Variants in STAG1 observed in about 807,000 individuals in gnomAD.
The protein encoded by STAG1 is cohesin subunit SA-1.
A neutral mutation model predicts 170.9 loss-of-function variants in STAG1; 26 were observed. That is an observed-to-expected ratio of 0.15 (90% confidence interval 0.11 to 0.21). The LOEUF (loss-of-function observed/expected upper bound fraction) is 0.21, where lower values mean the gene tolerates loss of function less well. STAG1 is among the 10% of genes least tolerant of loss of function. The pLI is 1.00. For synonymous variants in STAG1, 514 were observed against 497.7 expected, an observed-to-expected ratio of 1.03 and a Z score of -0.44; for missense variants, 964 against 1,509.5, an observed-to-expected ratio of 0.64 and a Z score of 5.99.
intron 23 of STAG1, among the ~76,000 whole-genome samples, chr3:136,376,328 T>TA (rs1937609471): frequency 1.3e-5 from 2 of 152,276 alleles, no homozygotes; most frequent in Admixed American, 1.3e-4. Flanking sequence ...CAGTCTATTT[T>TA]AAAAAATAGT....
intron 3 of STAG1, among the ~76,000 whole-genome samples, chr3:136,614,633 T>C (rs1248919011): frequency 1.3e-5 from 2 of 152,220 alleles, no homozygotes; most frequent in South Asian, 2.1e-4. Context: ...TACTATTCAA[T>C]TTAAATGTGT....
At chr3:136,690,056 C>CAAAAAAAAAAAAAAACA (rs1942668998) in intron 1 of STAG1, among the ~76,000 whole-genome samples, 1 of 56,404 alleles carries the variant, frequency 1.8e-5, no homozygotes, top group Non-Finnish European at 3.2e-5. Context: ...AAAAGCAAAC[C>CAAAAAAAAAAAAAAACA]AAAAAAAAAA....
intron 1 of STAG1, among the ~76,000 whole-genome samples, chr3:136,686,902 C>G (rs563439157): frequency 5.3e-5 from 8 of 152,264 alleles, no homozygotes; most frequent in African/African-American, 1.9e-4. Flanking sequence ...TGTTGAGATG[C>G]AATGGCTTAA....
intron 4 of STAG1, among the ~76,000 whole-genome samples, chr3:136,576,072 T>G (rs1426622724): frequency 2.6e-5 from 4 of 152,202 alleles, no homozygotes; most frequent in Admixed American, 2.6e-4. Context: ...TACTATTTAC[T>G]ATTTTAAAAA....
At position 136,336,985 on chromosome 3, in the gene STAG1, A is replaced by G. The variant is rs1193522833; in HGVS notation, c.*1269T>C. 1 of 152,292 alleles carries G rather than the reference A, an allele frequency of 6.6e-6. No individual in the cohort carries two copies. Among genetic ancestry groups the G allele is most frequent in the Admixed American group, 6.6e-5 (1 of 15,264 alleles). 9.4% of individuals were successfully genotyped at this position (152,292 alleles called of 1,614,324 possible). On this transcript the variant is annotated 3_prime_UTR_variant, in exon 34 of 34. Coordinates refer to ENST00000383202, the MANE Select transcript of STAG1 (RefSeq NM_005862.3). ...AAGAGAGAGACTAAGTGGGGTTTTT[A>G]AAACAATAGCAGCAAGTCATAAAAG...
At chr3:136,714,951 A>ATATATAT in intron 1 of STAG1, among the ~76,000 whole-genome samples, 1 of 80,294 alleles carries the variant, frequency 1.2e-5, no homozygotes, top group East Asian at 2.2e-4. Context: ...ATATATATAT[A>ATATATAT]TATATATATA....
At chr3:136,578,629 A>C (rs1408113918) in intron 4 of STAG1, among the ~76,000 whole-genome samples, 8 of 152,238 alleles carry the variant, frequency 5.3e-5, no homozygotes, top group African/African-American at 1.9e-4. Flanking sequence ...CATTGTTGAA[A>C]GGAAATATCC....
rs1004810253 is a variant in STAG1 at position 136,733,846 on chromosome 3, G to A, written c.-84+18349C>T. On this transcript the variant is annotated intron_variant, in intron 1 of 33. Transcript: ENST00000383202. ...TTGCAGGCCCGGCACAGTGGCCCAC[G>A]CCTGTAATCCCAGCGCTTCAGGAGG... is the stretch of plus-strand genomic sequence containing the variant. Among the ~76,000 whole-genome samples the A allele has an allele frequency of 9.2e-5, 14 of 152,250 alleles. No individual in the cohort carries two copies. The South Asian group carries it at 2.7e-3, about 29-fold the overall frequency.
intron 4 of STAG1, among the ~76,000 whole-genome samples, chr3:136,589,862 C>T (rs1007772029): frequency 6.6e-6 from 1 of 151,756 alleles, no homozygotes; most frequent in Non-Finnish European, 1.5e-5. Flanking sequence ...ATCCGGGAGG[C>T]GGAAGTTGCA....
intron 2 of STAG1, among the ~76,000 whole-genome samples, chr3:136,630,206 A>C (rs565744111): frequency 1.1e-4 from 16 of 152,210 alleles, no homozygotes; most frequent in African/African-American, 3.4e-4. Flanking sequence ...AAAGAAAATA[A>C]AAATAAAAAT....
chr3:136,409,172 G>A (rs1444623896), intron 21 of STAG1, among the ~76,000 whole-genome samples: 1 of 152,112 alleles, frequency 6.6e-6, no homozygotes, highest in Non-Finnish European at 1.5e-5. Context: ...GCAGAGGCAG[G>A]AGAATTGGTT....
intron 29 of STAG1, among the ~76,000 whole-genome samples, chr3:136,347,290 G>T (rs1936263775): frequency 1.3e-5 from 2 of 150,602 alleles, no homozygotes; most frequent in South Asian, 4.2e-4. Context: ...CAGCTACTTG[G>T]GAGGCTGAGG....
intron 16 of STAG1, among the ~76,000 whole-genome samples, chr3:136,431,786 A>G (rs969882828): frequency 5.3e-5 from 8 of 152,132 alleles, no homozygotes; most frequent in African/African-American, 1.9e-4. Context: ...CTAACTGTTA[A>G]TACTATTGCT....
chr3:136,566,544 G>A (rs1463260844), intron 5 of STAG1, among the ~76,000 whole-genome samples: 4 of 152,124 alleles, frequency 2.6e-5, no homozygotes, highest in African/African-American at 4.8e-5. Flanking sequence ...TGTATATTAC[G>A]TGAACTTCAA....
intron 2 of STAG1, among the ~76,000 whole-genome samples, chr3:136,626,863 T>G (rs1940124709): frequency 6.6e-6 from 1 of 152,240 alleles, no homozygotes; most frequent in African/African-American, 2.4e-5. Context: ...GCACACTTAG[T>G]AAGTGGCAGA....
At chr3:136,715,453 T>C (rs1943515044) in intron 1 of STAG1, among the ~76,000 whole-genome samples, 1 of 151,736 alleles carries the variant, frequency 6.6e-6, no homozygotes, top group Non-Finnish European at 1.5e-5. Context: ...ACCACGTCTC[T>C]ACTAAAAATA....
intron 6 of STAG1, among the ~76,000 whole-genome samples, chr3:136,522,377 TAG>T (rs1163413773): frequency 2.0e-5 from 3 of 152,094 alleles, no homozygotes; most frequent in Non-Finnish European, 4.4e-5. Flanking sequence ...ATGTTGGTGT[TAG>T]ATGAGTGGTA....
intron 21 of STAG1, among the ~76,000 whole-genome samples, chr3:136,405,950 G>C (rs1289519080): frequency 9.2e-5 from 14 of 152,020 alleles, no homozygotes; most frequent in Admixed American, 9.2e-4. Flanking sequence ...AATGCAGAAT[G>C]GTACAGCCAC....
intron 14 of STAG1, among the ~76,000 whole-genome samples, chr3:136,446,547 C>T (rs780330732): frequency 6.6e-6 from 1 of 151,882 alleles, no homozygotes; most frequent in Non-Finnish European, 1.5e-5. Context: ...CTCAGCATCC[C>T]GAGTAGCTGA....
Sources: gnomAD v4.1 joint callset for allele counts (sites outside exome capture counted in the v4.1 genomes callset) on GRCh38, gnomAD v4.1.1 for gene constraint, MANE v1.5 for transcripts, NCBI Gene and HGNC (gene_info 2026-07-23, HGNC 2026-07-21) for gene names.